Variants in SLC26A5 observed in about 807,000 individuals in gnomAD.
SLC26A5 encodes solute carrier family 26 member 5.
SLC26A5 carries 51 observed loss-of-function variants against 81.0 expected under a neutral mutation model. The ratio of observed to expected loss-of-function variants is 0.63; its 90% CI spans 0.50 to 0.80. The LOEUF (loss-of-function observed/expected upper bound fraction) is 0.80, where lower values mean the gene tolerates loss of function less well. SLC26A5 is among the 30% of genes least tolerant of loss of function. SLC26A5 has a pLI of 0.00. For synonymous variants in SLC26A5, 325 were observed against 332.8 expected (o/e 0.98, Z 0.25); for missense variants, 771 against 905.8 (o/e 0.85, Z 1.91).
chr7:103,437,598 G>T (rs939362321), intron 2 of SLC26A5, among the ~76,000 whole-genome samples: 2 of 152,186 alleles, frequency 1.3e-5, no homozygotes, highest in African/African-American at 4.8e-5. Flanking sequence ...ATATGATTCA[G>T]CCTTAAAAAA....
intron 2 of SLC26A5, among the ~76,000 whole-genome samples, chr7:103,441,656 A>C (rs1562817848): frequency 1.3e-5 from 2 of 152,108 alleles, no homozygotes; most frequent in Admixed American, 6.5e-5. Context: ...CAAGGAGAAA[A>C]TTTCAAGAGG....
chr7:103,408,512 C>A (rs1374800070), intron 7 of SLC26A5, among the ~76,000 whole-genome samples: 1 of 152,168 alleles, frequency 6.6e-6, no homozygotes, highest in Non-Finnish European at 1.5e-5. Context: ...CAGGTGTGAG[C>A]CACTGTGCCC....
chr7:103,408,026 T>C, intron 7 of SLC26A5, 23 bp from the exon 8 acceptor site: 13 of 1,613,914 alleles, frequency 8.1e-6, no homozygotes, highest in Non-Finnish European at 1.0e-5. Flanking sequence ...GAATGCTGGA[T>C]GTTTACATCA....
intron 8 of SLC26A5, among the ~76,000 whole-genome samples, chr7:103,399,935 G>A (rs1021524635): frequency 7.9e-5 from 12 of 152,246 alleles, no homozygotes; most frequent in Admixed American, 6.5e-4. Flanking sequence ...ATTCCATGGT[G>A]TATATGTGCC....
At chr7:103,410,360 G>T in intron 7 of SLC26A5, 25 bp downstream of exon 7, 1 of 1,599,250 alleles carries the variant, frequency 6.3e-7, no homozygotes, top group Non-Finnish European at 8.6e-7. Flanking sequence ...AAAAGTACCA[G>T]AACGTCAGGT....
In SLC26A5 at chr7:103,438,125, T is replaced by G. The variant is rs1826599873; in HGVS notation, c.-54+4958A>C. Among the ~76,000 whole-genome samples, 2 of 151,986 alleles carry G rather than the reference T, an allele frequency of 1.3e-5. 1 individual carries two copies. The highest frequency in any genetic ancestry group is 6.3e-3 in the Middle Eastern group (2 of 316). ...ATATCAAAATCCACAGATGTTCAAG[T>G]CCCTAGTTGGCCCTCTCTATCTGCA... On this transcript the variant is annotated intron_variant, in intron 2 of 19. Transcript: ENST00000306312.
chr7:103,367,804 G>T lies in SLC26A5; in HGVS notation c.2041+9004C>A. ...CTGTTAGCACGACTGTGTCCAAATAGCACTGGTAAGTAGAAAGTTCTTGCT... is the reference window on the plus strand; with the variant it reads ...CTGTTAGCACGACTGTGTCCAAATATCACTGGTAAGTAGAAAGTTCTTGCT... On this transcript the variant is annotated intron_variant, in intron 19 of 19. Transcript: ENST00000339444. The surrounding 1 kb of genome is among the most constrained non-coding windows in gnomAD (Gnocchi z 6.1). 6.2e-7 allele frequency: 1 copy of T among 1,613,228 alleles called. No individual in the cohort carries two copies. The highest frequency in any genetic ancestry group is 8.5e-7 in the Non-Finnish European group (1 of 1,179,402).
At chr7:103,435,254 A>T (rs1247880637) in intron 2 of SLC26A5, among the ~76,000 whole-genome samples, 1 of 152,192 alleles carries the variant, frequency 6.6e-6, no homozygotes, top group Admixed American at 6.5e-5. Flanking sequence ...TCAGATTTTT[A>T]AAAAAGGCGA....
chr7:103,366,136 T>G, intron 19 of SLC26A5: 1 of 1,613,870 alleles, frequency 6.2e-7, no homozygotes, highest in Non-Finnish European at 8.5e-7. Flanking sequence ...CTGCCTTATC[T>G]TCTTTGATGA....
chr7:103,377,405 T>A (rs1284617707), intron 18 of SLC26A5, among the ~76,000 whole-genome samples, 194 bp downstream of exon 18: 1 of 152,200 alleles, frequency 6.6e-6, no homozygotes, highest in Non-Finnish European at 1.5e-5. Flanking sequence ...AATTGATCAT[T>A]GTTGAAGCTG....
chr7:103,404,921 A>C (rs372977466), intron 8 of SLC26A5, among the ~76,000 whole-genome samples: 1 of 151,636 alleles, frequency 6.6e-6, no homozygotes, highest in Admixed American at 6.6e-5. Flanking sequence ...TCTTTACACT[A>C]TATTTCATTA....
At position 103,385,149 on chromosome 7, in the gene SLC26A5, T is replaced by C. The variant is rs181357012; in HGVS notation, c.1514+3859A>G. Reference sequence around the variant, plus strand: ...AGGAATTATCTGCAGAATGATGTGATTGTCTCTTTGTTGTTGTTGTTGTTG... The same window carrying C: ...AGGAATTATCTGCAGAATGATGTGACTGTCTCTTTGTTGTTGTTGTTGTTG... On this transcript the variant is annotated intron_variant, in intron 14 of 19. Transcript: ENST00000306312. Among the ~76,000 whole-genome samples the C allele has an allele frequency of 2.1e-4, 32 of 149,180 alleles. 1 individual carries two copies. Among genetic ancestry groups the C allele is most frequent in the African/African-American group, 6.9e-4 (28 of 40,782 alleles).
chr7:103,396,610 A>G (rs1823130950), intron 9 of SLC26A5, among the ~76,000 whole-genome samples: 1 of 152,236 alleles, frequency 6.6e-6, no homozygotes, highest in Non-Finnish European at 1.5e-5. Context: ...CACTTACATG[A>G]GGCATCTAGA....
At chr7:103,417,873 C>T (rs959271016) in intron 4 of SLC26A5, among the ~76,000 whole-genome samples, 5 of 152,086 alleles carry the variant, frequency 3.3e-5, no homozygotes, top group African/African-American at 1.2e-4. Flanking sequence ...CTCAGCCTCC[C>T]GAGTAGCTGG....
intron 2 of SLC26A5, among the ~76,000 whole-genome samples, chr7:103,430,796 G>C (rs1016056236): frequency 6.6e-6 from 1 of 152,212 alleles, no homozygotes; most frequent in African/African-American, 2.4e-5. Context: ...AGTAGGATCA[G>C]ATCTTTTAAG....
chr7:103,438,994 T>A (rs1292663437), intron 2 of SLC26A5, among the ~76,000 whole-genome samples: 1 of 152,256 alleles, frequency 6.6e-6, no homozygotes, highest in Non-Finnish European at 1.5e-5. Flanking sequence ...GGTTCAACTA[T>A]GCTCAACAGC....
chr7:103,426,377 G>T lies in SLC26A5; in HGVS notation c.-53-4810C>A, dbSNP rs550476856. ...AGGGTTGCCAGAGAAAATATAGAAGGCTCAGTTAAATTTGCATATTAATCA... is the reference window on the plus strand; with the variant it reads ...AGGGTTGCCAGAGAAAATATAGAAGTCTCAGTTAAATTTGCATATTAATCA... On this transcript the variant is annotated intron_variant, in intron 2 of 19. Coordinates refer to ENST00000306312, the MANE Select transcript of SLC26A5 (RefSeq NM_198999.3). Among the ~76,000 whole-genome samples, 3 of 152,240 alleles carry T rather than the reference G, an allele frequency of 2.0e-5. No individual in the cohort carries two copies. The South Asian group carries it at 6.2e-4, about 32-fold the overall frequency.
intron 14 of SLC26A5, among the ~76,000 whole-genome samples, chr7:103,387,555 T>C (rs1822292493): frequency 6.6e-6 from 1 of 152,198 alleles, no homozygotes; most frequent in Admixed American, 6.5e-5. Context: ...ATTGTAACTA[T>C]ATGAGGTAGG....
chr7:103,364,736 A>G (rs1039994680), intron 19 of SLC26A5, among the ~76,000 whole-genome samples: 1 of 152,050 alleles, frequency 6.6e-6, no homozygotes, highest in Admixed American at 6.6e-5. Context: ...GATTGTAATT[A>G]GTAGTTTAGA....
Sources: allele counts gnomAD v4.1 joint callset (sites outside exome capture counted in the v4.1 genomes callset), GRCh38; gene constraint gnomAD v4.1.1; non-coding constraint Gnocchi (gnomAD v3.1); transcripts MANE v1.5; gene names NCBI Gene and HGNC (gene_info 2026-07-23, HGNC 2026-07-21).